Variants in TMEM178B observed in about 807,000 individuals in gnomAD.
TMEM178B encodes transmembrane protein 178B.
A neutral mutation model predicts 31.0 loss-of-function variants in TMEM178B; 5 were observed. That is an observed-to-expected ratio of 0.16 (90% CI 0.08 to 0.34). TMEM178B has a LOEUF of 0.34. Ranked by LOEUF, TMEM178B falls within the 10% of genes least tolerant of loss-of-function variation. TMEM178B has a pLI of 1.00. For synonymous variants in TMEM178B, 164 were observed against 164.0 expected, an observed-to-expected ratio of 1.00 and a Z score of 0.00; for missense variants, 275 against 400.3, an observed-to-expected ratio of 0.69 and a Z score of 2.67.
intron 2 of TMEM178B, among the ~76,000 whole-genome samples, chr7:141,369,016 A>G (rs1219582089): frequency 2.6e-5 from 4 of 152,158 alleles, no homozygotes; most frequent in Non-Finnish European, 4.4e-5. Context: ...CTCTAAGAAC[A>G]AAGTATGGGG....
intron 1 of TMEM178B, among the ~76,000 whole-genome samples, chr7:141,198,888 C>T (rs779003010): frequency 3.3e-5 from 5 of 152,146 alleles, no homozygotes; most frequent in Non-Finnish European, 4.4e-5. Context: ...TGGCAGCTCG[C>T]GGCTCTGAAC....
In TMEM178B at chr7:141,074,522, G is replaced by T. The variant is rs1483089091; in HGVS notation, c.212G>T (p.Arg71Leu). Reference protein sequence around the residue: ...NNLPLRASRSRLDRWEGKLLR... With the variant: ...NNLPLRASRSLLDRWEGKLLR... ...TTGCCGCTCCGGGCGAGCCGCTCGC[G>T]CCTGGACCGCTGGGAGGGCAAACTC... Residue 71 changes from arginine to leucine, a missense_variant, in exon 1 of 4, where the codon CGC (arginine) becomes CTC (leucine). Physicochemically the swap from Arg to Leu is moderately radical, Grantham distance 102. Coordinates refer to ENST00000565468, the MANE Select transcript of TMEM178B (RefSeq NM_001195278.2). This position sits in a 1 kb window ranked among gnomAD's most constrained non-coding sequence, Gnocchi z 5.1. 6.5e-7 allele frequency: 1 copy of T among 1,536,022 alleles called. No individual in the cohort carries two copies. The highest frequency in any genetic ancestry group is 8.7e-7 in the Non-Finnish European group (1 of 1,146,816).
intron 2 of TMEM178B, among the ~76,000 whole-genome samples, chr7:141,229,596 G>C (rs915145130): frequency 6.6e-6 from 1 of 151,974 alleles, no homozygotes; most frequent in South Asian, 2.1e-4. Context: ...TAAAAGAAAA[G>C]CAGAAACAAC....
chr7:141,383,873 G>A (rs1254619663), intron 2 of TMEM178B, among the ~76,000 whole-genome samples: 2 of 152,160 alleles, frequency 1.3e-5, no homozygotes, highest in Non-Finnish European at 2.9e-5. Context: ...ATCCTCTCCA[G>A]CACCTGTTGT....
intron 1 of TMEM178B, among the ~76,000 whole-genome samples, chr7:141,199,615 C>G (rs1004965478): frequency 6.6e-6 from 1 of 151,980 alleles, no homozygotes; most frequent in Non-Finnish European, 1.5e-5. Context: ...TGAGACAGGT[C>G]TTGCTCTATC....
At chr7:141,324,524 G>T (rs1439607399) in intron 2 of TMEM178B, among the ~76,000 whole-genome samples, 1 of 149,408 alleles carries the variant, frequency 6.7e-6, no homozygotes, top group South Asian at 2.1e-4. Context: ...GAGGGTAGTG[G>T]GTTGGGAGGG....
At chr7:141,345,451 A>G (rs142072616) in intron 2 of TMEM178B, among the ~76,000 whole-genome samples, 1 of 152,296 alleles carries the variant, frequency 6.6e-6, no homozygotes, top group East Asian at 1.9e-4. Context: ...GTTTGTCCTC[A>G]TCGTTATAGT....
At chr7:141,238,041 A>T (rs7804797) in intron 2 of TMEM178B, among the ~76,000 whole-genome samples, 2 of 143,852 alleles carry the variant, frequency 1.4e-5, no homozygotes, top group Admixed American at 1.4e-4. Flanking sequence ...AAAAAAAAAA[A>T]GGAAATTAAG....
At chr7:141,150,062 TGAG>T (rs1342397024) in intron 1 of TMEM178B, among the ~76,000 whole-genome samples, 13 of 152,220 alleles carry the variant, frequency 8.5e-5, no homozygotes, top group Admixed American at 1.3e-4. Context: ...CTCGAGTGGC[TGAG>T]GAGTCTCTTT....
chr7:141,216,429 G>C (rs186802319), intron 2 of TMEM178B, among the ~76,000 whole-genome samples: 18 of 71,090 alleles, frequency 2.5e-4, no homozygotes, highest in Non-Finnish European at 3.5e-4. Flanking sequence ...AAGCCTGTGT[G>C]TGTGTGTGTG....
At chr7:141,198,093 A>C (rs1307043419) in intron 1 of TMEM178B, among the ~76,000 whole-genome samples, 1 of 152,220 alleles carries the variant, frequency 6.6e-6, no homozygotes, top group Non-Finnish European at 1.5e-5. Flanking sequence ...AAGGAAAATC[A>C]GCATTATGTA....
Position 141,474,251 on chromosome 7 carries a change from T to C in TMEM178B, c.*3465T>C, listed in dbSNP as rs191890900. ...GAGGTCCCATATCTTTTTCTCCTTA[T>C]TTTGGGAGTTACGGTTTCTTCTTCT... On this transcript the variant is annotated 3_prime_UTR_variant, in exon 4 of 4. Transcript: ENST00000565468. 20 of 152,294 alleles carry C rather than the reference T, an allele frequency of 1.3e-4. No homozygotes were observed. The highest frequency in any genetic ancestry group is 1.1e-3 in the Admixed American group (17 of 15,294). The allele number at this position is 152,294 out of a possible 1,614,324, so 9.4% of individuals were successfully genotyped here.
At chr7:141,396,245 G>A (rs1316366233) in intron 2 of TMEM178B, among the ~76,000 whole-genome samples, 1 of 152,158 alleles carries the variant, frequency 6.6e-6, no homozygotes, top group African/African-American at 2.4e-5. Flanking sequence ...CAGTCTTCTT[G>A]CGTGCCTCCC....
At chr7:141,105,004 G>T (rs1015611453) in intron 1 of TMEM178B, among the ~76,000 whole-genome samples, 2 of 152,124 alleles carry the variant, frequency 1.3e-5, no homozygotes, top group Non-Finnish European at 2.9e-5. Flanking sequence ...GAAGACAGTT[G>T]CATTGAATGA....
chr7:141,468,657 A>G (rs1032104969), intron 3 of TMEM178B, among the ~76,000 whole-genome samples: 11 of 152,314 alleles, frequency 7.2e-5, no homozygotes, highest in Admixed American at 2.6e-4. Context: ...AGGCAGTGTC[A>G]CTGTCTGGGG....
chr7:141,188,646 T>C (rs1005744961), intron 1 of TMEM178B, among the ~76,000 whole-genome samples: 1 of 152,186 alleles, frequency 6.6e-6, no homozygotes, highest in African/African-American at 2.4e-5. Flanking sequence ...TATGAGGAGA[T>C]AAAACAGAAA....
chr7:141,376,201 T>G (rs1264235070), intron 2 of TMEM178B, among the ~76,000 whole-genome samples: 1 of 152,238 alleles, frequency 6.6e-6, no homozygotes, highest in Non-Finnish European at 1.5e-5. Flanking sequence ...GGGAATGTTC[T>G]ACTTTACAGA....
intron 1 of TMEM178B, among the ~76,000 whole-genome samples, chr7:141,183,744 C>A (rs1384770301): frequency 6.6e-6 from 1 of 152,166 alleles, no homozygotes; most frequent in Non-Finnish European, 1.5e-5. Context: ...TACCTAATGA[C>A]ATGAATGATG....
chr7:141,322,503 C>T (rs1241090928), intron 2 of TMEM178B, among the ~76,000 whole-genome samples: 1 of 152,130 alleles, frequency 6.6e-6, no homozygotes, highest in Admixed American at 6.5e-5. Context: ...CCACTGCACT[C>T]CAGCCTAGGC....
Sources: allele counts gnomAD v4.1 joint callset (sites outside exome capture counted in the v4.1 genomes callset), GRCh38; gene constraint gnomAD v4.1.1; non-coding constraint Gnocchi (gnomAD v3.1); transcripts MANE v1.5; gene names NCBI Gene and HGNC (gene_info 2026-07-23, HGNC 2026-07-21).